Variants in ACSL4 observed in about 807,000 individuals in gnomAD.
The protein encoded by ACSL4 is acyl-CoA synthetase long chain family member 4.
Under a neutral mutation model 49.1 loss-of-function variants are expected in ACSL4, and 9 were observed. The observed-to-expected ratio is 0.18, with a 90% CI of 0.11 to 0.32. The LOEUF (loss-of-function observed/expected upper bound fraction) is 0.32. ACSL4 is among the 10% of genes least tolerant of loss of function. The pLI is 1.00. For synonymous variants in ACSL4, 191 were observed against 170.3 expected (o/e 1.12, Z -0.95); for missense variants, 333 against 493.7 (o/e 0.67, Z 3.08).
intron 15 of ACSL4, among the ~76,000 whole-genome samples, chrX:109,658,027 T>G (rs1423312011): frequency 9.0e-6 from 1 of 111,667 alleles, no homozygotes; most frequent in Non-Finnish European, 1.9e-5. Context: ...TTTTGAGAAG[T>G]GTCTGTTCAT....
intron 1 of ACSL4, among the ~76,000 whole-genome samples, chrX:109,706,073 T>C (rs989796716): frequency 1.8e-5 from 2 of 112,864 alleles, no homozygotes; most frequent in African/African-American, 6.4e-5. Context: ...TAACTTACTA[T>C]AACACAAATA....
At chrX:109,684,336 A>G (rs1170202801) in intron 2 of ACSL4, among the ~76,000 whole-genome samples, 3 of 112,993 alleles carry the variant, frequency 2.7e-5, no homozygotes, top group Non-Finnish European at 5.6e-5. Context: ...AAGTAGTATT[A>G]ATTCCTGGCC....
At chrX:109,649,158 A>G (rs1422625817) in intron 15 of ACSL4, among the ~76,000 whole-genome samples, 1 of 111,830 alleles carries the variant, frequency 8.9e-6, no homozygotes, top group East Asian at 2.8e-4. Context: ...CTTTCTTCAC[A>G]GAATTGGAAA....
At chrX:109,649,080 C>A (rs891025645) in intron 15 of ACSL4, among the ~76,000 whole-genome samples, 5 of 110,142 alleles carry the variant, frequency 4.5e-5, no homozygotes, top group African/African-American at 1.7e-4. Context: ...GAATCAATAT[C>A]GTGAAAATGG....
At chrX:109,663,037 A>G (rs765494271) in intron 13 of ACSL4, among the ~76,000 whole-genome samples, 174 bp downstream of exon 13, 1 of 111,877 alleles carries the variant, frequency 8.9e-6, no homozygotes, top group Admixed American at 9.5e-5. Context: ...CAGCCCTATG[A>G]GGTTGGTATT....
chrX:109,661,914 C>T (rs986210475), intron 13 of ACSL4, among the ~76,000 whole-genome samples: 1 of 110,756 alleles, frequency 9.0e-6, no homozygotes, highest in African/African-American at 3.3e-5. Flanking sequence ...AAACCCAAAG[C>T]TTTAGCATCT....
At chrX:109,657,156 T>A (rs190192796) in intron 15 of ACSL4, among the ~76,000 whole-genome samples, 23 of 112,005 alleles carry the variant, frequency 2.1e-4, no homozygotes, top group Admixed American at 3.8e-4. Context: ...CCAATAAGAT[T>A]TGGACTACAC....
chrX:109,728,872 T>C (rs748774069), intron 1 of ACSL4, among the ~76,000 whole-genome samples: 41 of 111,684 alleles, frequency 3.7e-4, no homozygotes, highest in African/African-American at 1.3e-3. Flanking sequence ...AGCTACAGAC[T>C]GGGAGAACAT....
chrX:109,703,990 T>C (rs772789412), intron 1 of ACSL4, among the ~76,000 whole-genome samples: 23 of 111,750 alleles, frequency 2.1e-4, no homozygotes, highest in Non-Finnish European at 3.6e-4. Flanking sequence ...TTTTTTGTTG[T>C]TGTTGGCTGT....
intron 1 of ACSL4, among the ~76,000 whole-genome samples, chrX:109,710,878 A>AT (rs898107253): frequency 2.7e-5 from 3 of 110,543 alleles, no homozygotes; most frequent in African/African-American, 9.9e-5. Flanking sequence ...CAGCTAACTT[A>AT]TTTTTTTATT....
chrX:109,670,404 G>A (rs1923075332), intron 9 of ACSL4, among the ~76,000 whole-genome samples: 1 of 109,239 alleles, frequency 9.2e-6, no homozygotes, highest in Non-Finnish European at 1.9e-5. Flanking sequence ...GGCCAAGATG[G>A]TGAAACCCCG....
chrX:109,691,122 A>T (rs1353941206), intron 2 of ACSL4, among the ~76,000 whole-genome samples: 1 of 112,338 alleles, frequency 8.9e-6, no homozygotes, highest in African/African-American at 3.2e-5. Context: ...CCAAGCAAGG[A>T]TCCATGCATC....
At chrX:109,675,337 T>C (rs921423106) in intron 8 of ACSL4, among the ~76,000 whole-genome samples, 5 of 112,793 alleles carry the variant, frequency 4.4e-5, no homozygotes, top group African/African-American at 1.3e-4. Context: ...TTATTTTGTC[T>C]TCTTGTGATC....
intron 15 of ACSL4, among the ~76,000 whole-genome samples, chrX:109,646,316 G>T (rs1163606730): frequency 2.7e-5 from 3 of 111,867 alleles, no homozygotes; most frequent in Admixed American, 1.9e-4. Context: ...GACTAACAGC[G>T]GATCTCTCGG....
At position 109,642,976 on chromosome X, in the gene ACSL4, G is replaced by A. The variant is rs1051913848; in HGVS notation, c.*1053C>T. 9 of 112,081 alleles carry A rather than the reference G, an allele frequency of 8.0e-5. No homozygotes were observed. Among genetic ancestry groups the A allele is most frequent in the Non-Finnish European group, 1.7e-4 (9 of 53,082 alleles). The allele number at this position is 112,081 out of a possible 1,213,427, so 9.2% of individuals were successfully genotyped here. A position where few individuals can be genotyped will look rare whatever the true frequency, so the allele number is the denominator to read the frequency against. On this transcript the variant is annotated 3_prime_UTR_variant, in exon 16 of 16. Coordinates refer to ENST00000672401, the MANE Select transcript of ACSL4 (RefSeq NM_001318510.2). Reference sequence around the variant, plus strand: ...CGCTTTGCTAAAATTAAAGCAAAATGAAAGGCTTTCTGAAATGCAAACTAC... The same window carrying A: ...CGCTTTGCTAAAATTAAAGCAAAATAAAAGGCTTTCTGAAATGCAAACTAC...
At chrX:109,669,394 ATTT>A (rs34210031) in intron 9 of ACSL4, among the ~76,000 whole-genome samples, 3 of 90,516 alleles carry the variant, frequency 3.3e-5, no homozygotes, top group African/African-American at 4.4e-5. Flanking sequence ...GTTAATCTAA[ATTT>A]TTTTTTTTTT....
At chrX:109,720,782 A>C (rs1488125196) in intron 1 of ACSL4, among the ~76,000 whole-genome samples, 1 of 111,733 alleles carries the variant, frequency 8.9e-6, no homozygotes, top group African/African-American at 3.3e-5. Flanking sequence ...AGGGACCCCA[A>C]TGCCTTCCAA....
chrX:109,724,265 G>A (rs1236703802), intron 1 of ACSL4, among the ~76,000 whole-genome samples: 1 of 110,506 alleles, frequency 9.0e-6, no homozygotes, highest in Non-Finnish European at 1.9e-5. Context: ...TATTTTTGGG[G>A]GGCTTTTTTG....
chrX:109,649,331 C>T lies in ACSL4; in HGVS notation c.1856-5145G>A, dbSNP rs147109724. On this transcript the variant is annotated intron_variant, in intron 15 of 15. Coordinates refer to ENST00000672401, the MANE Select transcript of ACSL4 (RefSeq NM_001318510.2). ...TGGTACTGGTACCAACACAGAGATA[C>T]AGATCAATGGAACAGAACAGAGGCC... Among the ~76,000 whole-genome samples the T allele has an allele frequency of 6.0e-3, 673 of 111,430 alleles. 6 individuals are homozygous for T. The highest frequency in any genetic ancestry group is 0.019 in the African/African-American group (587 of 30,613).
Sources: gnomAD v4.1 joint callset for allele counts (sites outside exome capture counted in the v4.1 genomes callset) on GRCh38, gnomAD v4.1.1 for gene constraint, MANE v1.5 for transcripts, NCBI Gene and HGNC (gene_info 2026-07-23, HGNC 2026-07-21) for gene names.